The following EYS variants were observed in gnomAD, a reference collection of about 807,000 sequenced individuals.
EYS encodes protein eyes shut homolog.
In EYS, 250 loss-of-function variants were observed where a neutral mutation model predicts 282.1. The observed-to-expected ratio is 0.89, with a 90% CI of 0.80 to 0.98. EYS has a LOEUF of 0.98. EYS is among the 50% of genes least tolerant of loss of function. The pLI is 0.00. For missense variants in EYS, 4,016 were observed against 3,709.0 expected (o/e 1.08, Z -2.15); for synonymous variants, 1,355 against 1,282.9 (o/e 1.06, Z -1.20).
intron 5 of EYS, among the ~76,000 whole-genome samples, chr6:65,429,878 G>A (rs890201354): frequency 1.3e-5 from 2 of 152,110 alleles, no homozygotes; most frequent in Admixed American, 1.3e-4. Flanking sequence ...AATAGTCAAT[G>A]TTTTATAATA....
chr6:64,235,192 A>C (rs192296865), intron 30 of EYS, among the ~76,000 whole-genome samples: 2 of 149,370 alleles, frequency 1.3e-5, no homozygotes, highest in African/African-American at 4.9e-5. Context: ...GCACCCATTA[A>C]CTCGTCATTT....
intron 31 of EYS, among the ~76,000 whole-genome samples, chr6:64,082,427 T>C (rs1206037625): frequency 6.6e-6 from 1 of 152,208 alleles, no homozygotes; most frequent in Non-Finnish European, 1.5e-5. Flanking sequence ...TCATGAGATA[T>C]TTTGATACAG....
intron 39 of EYS, among the ~76,000 whole-genome samples, chr6:63,780,337 T>C (rs1770185434): frequency 6.6e-6 from 1 of 152,226 alleles, no homozygotes; most frequent in South Asian, 2.1e-4. Context: ...TCTTCCACAA[T>C]GGTTGAACTA....
At chr6:65,266,479 C>A (rs761304677) in intron 12 of EYS, among the ~76,000 whole-genome samples, 10 of 151,626 alleles carry the variant, frequency 6.6e-5, no homozygotes, top group Non-Finnish European at 1.3e-4. Context: ...TGCATGCATG[C>A]ATGAATGAAT....
intron 2 of EYS, among the ~76,000 whole-genome samples, chr6:65,576,190 C>A (rs1405611131): frequency 6.6e-6 from 1 of 151,832 alleles, no homozygotes; most frequent in East Asian, 1.9e-4. Context: ...AAAATAACAG[C>A]AAAAAGATTT....
chr6:65,525,143 G>A (rs185943875), intron 2 of EYS, among the ~76,000 whole-genome samples: 170 of 151,532 alleles, frequency 1.1e-3, no homozygotes, highest in Non-Finnish European at 1.7e-3. Flanking sequence ...GTGCCATGGT[G>A]GTTTCTAAAC....
chr6:65,113,037 G>T (rs1429065544), intron 12 of EYS, among the ~76,000 whole-genome samples: 1 of 151,954 alleles, frequency 6.6e-6, no homozygotes, highest in African/African-American at 2.4e-5. Flanking sequence ...CAGGAAAATT[G>T]CCCACATAAT....
chr6:65,706,289 G>C (rs1044873080), intron 1 of EYS, among the ~76,000 whole-genome samples: 1 of 151,540 alleles, frequency 6.6e-6, no homozygotes, highest in Non-Finnish European at 1.5e-5. Context: ...GTAAGCAATG[G>C]TCCCTTATTT....
intron 23 of EYS, among the ~76,000 whole-genome samples, chr6:64,623,933 T>A (rs996037012): frequency 6.6e-6 from 1 of 152,108 alleles, no homozygotes; most frequent in Non-Finnish European, 1.5e-5. Flanking sequence ...ATTCCTTAAA[T>A]AACTTTAAAG....
chr6:64,808,367 T>C (rs1764499872), intron 22 of EYS, among the ~76,000 whole-genome samples: 1 of 152,128 alleles, frequency 6.6e-6, no homozygotes, highest in Non-Finnish European at 1.5e-5. Flanking sequence ...TTTTTATAGT[T>C]ATATAACAGC....
rs144120434 is a variant in EYS, at chr6:63,996,681, T to A, written c.6834+2394A>T. Among the ~76,000 whole-genome samples the A allele has an allele frequency of 2.0e-3, 301 of 152,272 alleles. 5 individuals carry two copies. In the East Asian group the frequency reaches 0.042, roughly 21 times the overall value. On this transcript the variant is annotated intron_variant, in intron 34 of 42. Coordinates refer to ENST00000503581, the MANE Select transcript of EYS (RefSeq NM_001142800.2). ...TTTGAATCCCCAAATAGCTGTGTGATCTTGGGCAGGAAACTCATCCTCGTG... is the reference window on the plus strand; with the variant it reads ...TTTGAATCCCCAAATAGCTGTGTGAACTTGGGCAGGAAACTCATCCTCGTG...
rs1362415042 is a variant in EYS, at chr6:64,959,954, TG to T, written c.2260-14041del. 2.0e-5 allele frequency among the ~76,000 whole-genome samples: 3 copies of T among 150,784 alleles called. No homozygotes were observed. The East Asian group carries it at 5.9e-4, about 30-fold the overall frequency. On this transcript the variant is annotated intron_variant, in intron 14 of 42. Coordinates refer to ENST00000503581, the MANE Select transcript of EYS (RefSeq NM_001142800.2). Reference sequence around the variant, plus strand: ...GTTGCCAATCACTTACCACAGTGCATGGGCAAATGTGTGTTTAAAAACTTGC... The same window carrying T: ...GTTGCCAATCACTTACCACAGTGCATGGCAAATGTGTGTTTAAAAACTTGC...
At chr6:63,810,260 C>CAA (rs368701336) in intron 36 of EYS, among the ~76,000 whole-genome samples, 760 of 53,646 alleles carry the variant, frequency 0.014, 12 homozygotes, top group African/African-American at 0.053. Flanking sequence ...GATTCCATCT[C>CAA]AAAAAAAAAA....
intron 26 of EYS, among the ~76,000 whole-genome samples, chr6:64,452,237 A>G (rs1446675432): frequency 6.6e-6 from 1 of 152,098 alleles, no homozygotes; most frequent in Admixed American, 6.6e-5. Context: ...GAGCCAAATC[A>G]TGAGTGAACT....
chr6:64,678,750 C>T (rs1337883339), intron 22 of EYS, among the ~76,000 whole-genome samples: 1 of 151,910 alleles, frequency 6.6e-6, no homozygotes, highest in Non-Finnish European at 1.5e-5. Flanking sequence ...TTTGGGAGGC[C>T]GAGGCGGGTG....
At chr6:65,411,604 C>T (rs989719904) in intron 5 of EYS, among the ~76,000 whole-genome samples, 1 of 151,944 alleles carries the variant, frequency 6.6e-6, no homozygotes, top group Non-Finnish European at 1.5e-5. Flanking sequence ...CTCTCTCATG[C>T]TACCCCGTTA....
At chr6:64,844,652 T>C (rs1310082670) in intron 19 of EYS, among the ~76,000 whole-genome samples, 2 of 152,146 alleles carry the variant, frequency 1.3e-5, no homozygotes, top group Non-Finnish European at 2.9e-5. Context: ...AAACCCTCTT[T>C]AGGGGAAGCT....
chr6:64,835,539 C>T, intron 19 of EYS, among the ~76,000 whole-genome samples: 1 of 151,674 alleles, frequency 6.6e-6, no homozygotes, highest in Non-Finnish European at 1.5e-5. Flanking sequence ...ATTTCATTAT[C>T]AACACTCACT....
In EYS at chr6:65,291,943, C is replaced by A. The variant is rs1480391866; in HGVS notation, c.2023+3920G>T. On this transcript the variant is annotated intron_variant, in intron 12 of 42. Transcript: ENST00000503581. The stretch of plus-strand genomic sequence containing the variant: ...TACAATATGTCTTGAAAGCCCTGAG[C>A]AGATACAAAAGGTTAATGGAATTTT... 2.0e-5 allele frequency among the ~76,000 whole-genome samples: 3 copies of A among 151,424 alleles called. No homozygotes were observed. The East Asian group carries it at 5.8e-4, about 29-fold the overall frequency.
Sources: gnomAD v4.1 joint callset for allele counts (sites outside exome capture counted in the v4.1 genomes callset) on GRCh38, gnomAD v4.1.1 for gene constraint, MANE v1.5 for transcripts, NCBI Gene and HGNC (gene_info 2026-07-23, HGNC 2026-07-21) for gene names.